The following DTWD2 variants were observed in gnomAD, a reference collection of about 807,000 sequenced individuals.
The protein encoded by DTWD2 is DTW motif tRNA-uridine aminocarboxypropyltransferase 2, also known as tRNA-uridine aminocarboxypropyltransferase 2.
DTWD2 carries 39 observed loss-of-function variants against 31.8 expected under a neutral mutation model. The observed-to-expected ratio is 1.22, with a 90% CI of 0.95 to 1.60. The LOEUF (loss-of-function observed/expected upper bound fraction) is 1.60, where lower values mean the gene tolerates loss of function less well. Among genes scored for constraint, DTWD2 ranks in the 40% most tolerant of loss-of-function variants. The pLI is 0.00. For synonymous variants in DTWD2, 180 were observed against 142.8 expected (o/e 1.26, Z -1.86); for missense variants, 515 against 381.5 (o/e 1.35, Z -2.92).
At chr5:118,883,790 G>C (rs1011568908) in intron 4 of DTWD2, among the ~76,000 whole-genome samples, 1 of 152,164 alleles carries the variant, frequency 6.6e-6, no homozygotes, top group Admixed American at 6.5e-5. Context: ...TACAATTGGA[G>C]ATGAGATTTG....
chr5:118,912,234 T>C (rs1458630272), intron 4 of DTWD2, among the ~76,000 whole-genome samples: 4 of 152,230 alleles, frequency 2.6e-5, no homozygotes, highest in Non-Finnish European at 5.9e-5. Flanking sequence ...AGAGCCTAGA[T>C]TTTAAAAATC....
chr5:118,979,235 C>G (rs1418510050), intron 1 of DTWD2, among the ~76,000 whole-genome samples: 3 of 151,894 alleles, frequency 2.0e-5, no homozygotes, highest in African/African-American at 4.8e-5. Flanking sequence ...ACCCAGGAGG[C>G]AGAGCTTGCA....
At chr5:118,848,249 T>G in intron 4 of DTWD2, 31 bp from the exon 5 acceptor site, 1 of 1,543,312 alleles carries the variant, frequency 6.5e-7, no homozygotes. Flanking sequence ...GAACATAATT[T>G]TTGTTTTAAA....
intron 2 of DTWD2, among the ~76,000 whole-genome samples, chr5:118,940,772 A>C (rs1754161223): frequency 6.6e-6 from 1 of 152,234 alleles, no homozygotes; most frequent in Non-Finnish European, 1.5e-5. Context: ...GAACTCAGGC[A>C]GTCTAGCTCC....
chr5:118,869,561 CTT>C (rs962588563), intron 4 of DTWD2, among the ~76,000 whole-genome samples: 30 of 152,234 alleles, frequency 2.0e-4, no homozygotes, highest in African/African-American at 7.0e-4. Flanking sequence ...GAGCTGCTCT[CTT>C]TATAAATAAC....
intron 4 of DTWD2, among the ~76,000 whole-genome samples, chr5:118,852,725 T>C (rs1018821891): frequency 1.3e-5 from 2 of 152,116 alleles, no homozygotes; most frequent in East Asian, 3.8e-4. Context: ...TGGATATATA[T>C]ATATATATCT....
chr5:118,911,982 G>A (rs1406766573), intron 4 of DTWD2, among the ~76,000 whole-genome samples: 3 of 152,176 alleles, frequency 2.0e-5, no homozygotes, highest in Non-Finnish European at 4.4e-5. Context: ...ACTCAGCTCT[G>A]GCATCTATGA....
intron 3 of DTWD2, among the ~76,000 whole-genome samples, chr5:118,935,809 A>C (rs987097559): frequency 2.0e-5 from 3 of 152,252 alleles, no homozygotes; most frequent in African/African-American, 7.2e-5. Context: ...ATTTTAACAC[A>C]ATTTCCTTGA....
At chr5:118,875,025 G>A (rs1016575406) in intron 4 of DTWD2, among the ~76,000 whole-genome samples, 1 of 152,052 alleles carries the variant, frequency 6.6e-6, no homozygotes, top group Non-Finnish European at 1.5e-5. Flanking sequence ...CACAGAAACT[G>A]TACAAGCCAG....
intron 2 of DTWD2, among the ~76,000 whole-genome samples, chr5:118,942,367 GA>G (rs750982567): frequency 6.6e-5 from 10 of 151,880 alleles, no homozygotes; most frequent in Non-Finnish European, 1.5e-4. Context: ...AATAATAATA[GA>G]AAATTCCTTT....
intron 4 of DTWD2, among the ~76,000 whole-genome samples, chr5:118,927,921 C>T (rs189502146): frequency 5.5e-4 from 83 of 152,034 alleles, no homozygotes; most frequent in African/African-American, 1.8e-3. Flanking sequence ...TGACAGTGGA[C>T]CAAAAATACA....
At position 118,840,606 on chromosome 5, in the gene DTWD2, T is replaced by G. The variant is rs1751687984; in HGVS notation, c.*311A>C. The stretch of plus-strand genomic sequence containing the variant: ...GTTCCAATCCACTACAACAATTTTC[T>G]TCTATTTTACAAGTAAGAACTTCTA... On this transcript the variant is annotated 3_prime_UTR_variant, in exon 6 of 6. Transcript: ENST00000510708. The G allele has an allele frequency of 5.3e-6, 1 of 189,248 alleles. No homozygotes were observed. Among genetic ancestry groups the G allele is most frequent in the African/African-American group, 2.4e-5 (1 of 42,062 alleles). The allele number at this position is 189,248 out of a possible 1,614,324, so 11.7% of individuals were successfully genotyped here. A position where few individuals can be genotyped will look rare whatever the true frequency, so the allele number is the denominator to read the frequency against.
At chr5:118,892,793 C>T (rs975342652) in intron 4 of DTWD2, among the ~76,000 whole-genome samples, 2 of 151,780 alleles carry the variant, frequency 1.3e-5, no homozygotes, top group African/African-American at 4.8e-5. Flanking sequence ...TAAAAAAAAA[C>T]CCAGCTCCAT....
chr5:118,920,357 A>G (rs776366344), intron 4 of DTWD2, among the ~76,000 whole-genome samples: 3 of 152,002 alleles, frequency 2.0e-5, no homozygotes, highest in Non-Finnish European at 2.9e-5. Flanking sequence ...TTATATATAT[A>G]GTATTATTGT....
intron 2 of DTWD2, among the ~76,000 whole-genome samples, chr5:118,941,284 G>A (rs931311673): frequency 1.3e-5 from 2 of 152,042 alleles, no homozygotes; most frequent in Non-Finnish European, 2.9e-5. Flanking sequence ...CCATTAACTC[G>A]TCATTTACAT....
chr5:118,980,620 T>C (rs1755279421), intron 1 of DTWD2, among the ~76,000 whole-genome samples: 1 of 152,242 alleles, frequency 6.6e-6, no homozygotes, highest in African/African-American at 2.4e-5. Flanking sequence ...TATCACTTCA[T>C]GCCTCCTAAG....
At chr5:118,871,702 T>C (rs937664785) in intron 4 of DTWD2, among the ~76,000 whole-genome samples, 1 of 152,206 alleles carries the variant, frequency 6.6e-6, no homozygotes, top group South Asian at 2.1e-4. Flanking sequence ...AGGCTTTCTT[T>C]TTCCAGTTAC....
intron 4 of DTWD2, among the ~76,000 whole-genome samples, chr5:118,889,734 A>C (rs540700986): frequency 1.3e-5 from 2 of 152,268 alleles, no homozygotes; most frequent in South Asian, 4.2e-4. Context: ...ATCTCAAAAA[A>C]CGATAGTTTT....
chr5:118,935,506 CTGCTTGCT>C (rs752089218), intron 3 of DTWD2, among the ~76,000 whole-genome samples: 5 of 152,188 alleles, frequency 3.3e-5, no homozygotes, highest in Admixed American at 6.5e-5. Flanking sequence ...GCAAAATTGA[CTGCTTGCT>C]TGCTTGCTTG....
Sources: gnomAD v4.1 joint callset for allele counts (sites outside exome capture counted in the v4.1 genomes callset) on GRCh38, gnomAD v4.1.1 for gene constraint, MANE v1.5 for transcripts, NCBI Gene and HGNC (gene_info 2026-07-23, HGNC 2026-07-21) for gene names.